The following NPHP4 variants were observed in gnomAD, a reference collection of about 807,000 sequenced individuals.
The protein encoded by NPHP4 is nephrocystin 4.
A neutral mutation model predicts 155.8 loss-of-function variants in NPHP4; 151 were observed. That is an observed-to-expected ratio of 0.97 (90% CI 0.85 to 1.11). The LOEUF (loss-of-function observed/expected upper bound fraction) is 1.11, where lower values mean the gene tolerates loss of function less well. NPHP4 is among the 50% of genes least tolerant of loss of function. NPHP4 has a pLI of 0.00. For missense variants in NPHP4, 1,956 were observed against 1,925.7 expected, an observed-to-expected ratio of 1.02 and a Z score of -0.29; for synonymous variants, 845 against 816.8, an observed-to-expected ratio of 1.03 and a Z score of -0.59.
rs1284856422 is a variant in NPHP4 at position 5,986,309 on chromosome 1, C to T, written c.-20G>A. On this transcript the variant is annotated 5_prime_UTR_variant, in exon 2 of 30. Coordinates refer to ENST00000378156, the MANE Select transcript of NPHP4 (RefSeq NM_015102.5). ...GTTCATCCTGCCCGCCTGAGGGTCC[C>T]GTGGGCTTCCCGGATGATCTGTGCC... 5 of 1,612,896 alleles carry T rather than the reference C, an allele frequency of 3.1e-6. No homozygotes were observed. The highest frequency in any genetic ancestry group is 2.2e-5 in the South Asian group (2 of 90,934).
At position 5,952,850 on chromosome 1, in the gene NPHP4, G is replaced by A. The variant is rs956609831; in HGVS notation, c.674-14C>T. The A allele has an allele frequency of 6.3e-7, 1 of 1,591,376 alleles. No individual in the cohort carries two copies. The highest frequency in any genetic ancestry group is 2.3e-5 in the East Asian group (1 of 43,818). ...GGAGAGCGTCGCCTGAAACAGTGAG[G>A]GTGCGAAAAGGGTCATCCTTGGGAA... On this transcript the variant is annotated splice_polypyrimidine_tract_variant and intron_variant, in intron 6 of 29. Transcript: ENST00000378156.
chr1:5,946,591 G>C (rs934041128), intron 9 of NPHP4, among the ~76,000 whole-genome samples: 13 of 152,176 alleles, frequency 8.5e-5, no homozygotes, highest in Middle Eastern at 6.3e-3. Context: ...CCAGTTTCCT[G>C]GTATACAACT....
intron 17 of NPHP4, chr1:5,888,468 T>G: frequency 8.2e-7 from 1 of 1,213,452 alleles, no homozygotes; most frequent in East Asian, 5.9e-5. Flanking sequence ...ACCTGACCCT[T>G]CCCTTGTGGG....
At chr1:5,980,553 T>C (rs554045495) in intron 2 of NPHP4, among the ~76,000 whole-genome samples, 4 of 151,772 alleles carry the variant, frequency 2.6e-5, no homozygotes, top group African/African-American at 9.7e-5. Flanking sequence ...GCAGCTGCCA[T>C]GTGGGGGCGG....
chr1:5,881,604 T>A (rs1643291829), intron 18 of NPHP4: 1 of 152,212 alleles, frequency 6.6e-6, no homozygotes, highest in African/African-American at 2.4e-5. Flanking sequence ...AGAGAGAGGC[T>A]AGATTTAGAA....
chr1:5,864,301 C>A, intron 28 of NPHP4, 37 bp downstream of exon 28: 1 of 1,551,316 alleles, frequency 6.4e-7, no homozygotes, highest in Non-Finnish European at 8.7e-7. Context: ...GTATTGAGCC[C>A]CCATCCCCTC....
At position 5,864,932 on chromosome 1, in the gene NPHP4, C is replaced by T. The variant is rs1570038198; in HGVS notation, c.3816+170G>A. 4.7e-6 allele frequency: 3 copies of T among 640,844 alleles called. No individual in the cohort carries two copies. In the South Asian group the frequency reaches 5.8e-5, roughly 12 times the overall value. The allele number at this position is 640,844 out of a possible 1,614,324, so 39.7% of individuals were successfully genotyped here. ...GTACGTCACTCACCCCACAATGGCA[C>T]ATCTAACGAAAGGCAACTGCCGAGA... On this transcript the variant is annotated intron_variant, in intron 27 of 29. Transcript: ENST00000378156.
chr1:5,874,863 T>G lies in NPHP4; in HGVS notation c.3044+11A>C, dbSNP rs778862383. 1.6e-5 allele frequency: 25 copies of G among 1,611,412 alleles called. No homozygotes were observed. In the African/African-American group the frequency reaches 3.3e-4, roughly 22 times the overall value. ...TGGGCTGGGGCAGGACGGGCACCACTGAGACCTCACCTGAGCTCGGGGTTG... is the reference window on the plus strand; with the variant it reads ...TGGGCTGGGGCAGGACGGGCACCACGGAGACCTCACCTGAGCTCGGGGTTG... On this transcript the variant is annotated intron_variant, in intron 21 of 29. Coordinates refer to ENST00000378156, the MANE Select transcript of NPHP4 (RefSeq NM_015102.5).
intron 16 of NPHP4, among the ~76,000 whole-genome samples, chr1:5,900,624 C>T (rs1644627579): frequency 6.6e-6 from 1 of 152,084 alleles, no homozygotes; most frequent in African/African-American, 2.4e-5. Flanking sequence ...CATGGTGGAT[C>T]CATGATGTCA....
intron 2 of NPHP4, among the ~76,000 whole-genome samples, chr1:5,984,262 T>C (rs1655140485): frequency 1.3e-5 from 2 of 152,212 alleles, no homozygotes; most frequent in African/African-American, 4.8e-5. Context: ...GTGCCGGGCA[T>C]GTGGCTACAC....
At position 5,867,728 on chromosome 1, in the gene NPHP4, T is replaced by C; in HGVS notation, c.3472+12A>G. On this transcript the variant is annotated intron_variant, in intron 24 of 29. Coordinates refer to ENST00000378156, the MANE Select transcript of NPHP4 (RefSeq NM_015102.5). The surrounding 1 kb of genome is among the most constrained non-coding windows in gnomAD (Gnocchi z 4.1). ...TGCAACATGTGGGCTGCAGGGTCAG[T>C]GCAGGACCTGCCTGGAAATGTGTGC... The C allele has an allele frequency of 6.2e-7, 1 of 1,607,830 alleles. No individual in the cohort carries two copies. Among genetic ancestry groups the C allele is most frequent in the Admixed American group, 1.7e-5 (1 of 60,012 alleles).
At chr1:5,887,583 G>A (rs566211972) in intron 17 of NPHP4, 117 bp from the exon 18 acceptor site, 32 of 1,095,346 alleles carry the variant, frequency 2.9e-5, no homozygotes, top group Non-Finnish European at 4.1e-5. Context: ...GCGGGAGGGG[G>A]TGTGCGCAGG....
chr1:5,925,560 G>A (rs1248295269), intron 11 of NPHP4, among the ~76,000 whole-genome samples: 4 of 152,174 alleles, frequency 2.6e-5, no homozygotes, highest in African/African-American at 7.2e-5. Context: ...GTCAAAGAGT[G>A]TATGTCAAAG....
intron 4 of NPHP4, among the ~76,000 whole-genome samples, chr1:5,967,803 G>C (rs1292988928): frequency 6.6e-6 from 1 of 152,082 alleles, no homozygotes; most frequent in Non-Finnish European, 1.5e-5. Flanking sequence ...GCAGTGCCCT[G>C]GCATCTAGTG....
chr1:5,981,393 T>C (rs1285616001), intron 2 of NPHP4, among the ~76,000 whole-genome samples: 1 of 152,118 alleles, frequency 6.6e-6, no homozygotes, highest in Non-Finnish European at 1.5e-5. Context: ...TCCTAACATA[T>C]CGTGGTGCCC....
chr1:5,922,993 T>C (rs1645821887), intron 11 of NPHP4, among the ~76,000 whole-genome samples: 1 of 152,092 alleles, frequency 6.6e-6, no homozygotes, highest in South Asian at 2.1e-4. Context: ...TGAGAATTTA[T>C]CTCTAAAAGC....
At position 5,927,687 on chromosome 1, in the gene NPHP4, T is replaced by A. The variant is rs1646077037; in HGVS notation, c.1403A>T (p.Glu468Val). The change falls in exon 11 of 30, where the codon GAG becomes GTG. Residue 468 changes from glutamate to valine, a missense_variant. Glu to Val is a moderately radical substitution (Grantham distance 121). Coordinates refer to ENST00000378156, the MANE Select transcript of NPHP4 (RefSeq NM_015102.5). ...PTEPVSGPKV[E>V]RRPSRKPPTS... ...GGGTGGTTTCCTGGAAGGCCGCCGC[T>A]CCACTTTGGGGCCACTGACAGGCTC... 6.2e-7 allele frequency: 1 copy of A among 1,612,610 alleles called. No homozygotes were observed. The highest frequency in any genetic ancestry group is 1.7e-5 in the Admixed American group (1 of 59,978).
At position 5,948,020 on chromosome 1, in the gene NPHP4, G is replaced by C. The variant is rs375641338; in HGVS notation, c.992+50C>G. On this transcript the variant is annotated intron_variant, in intron 8 of 29. Coordinates refer to ENST00000378156, the MANE Select transcript of NPHP4 (RefSeq NM_015102.5). Reference sequence around the variant, plus strand: ...CATGCACAAATGACCTCATTTCATCGTGATCCCTTGCACATCCCCACCCAT... The same window carrying C: ...CATGCACAAATGACCTCATTTCATCCTGATCCCTTGCACATCCCCACCCAT... The C allele has an allele frequency of 6.3e-6, 9 of 1,421,150 alleles. No individual in the cohort carries two copies. The East Asian group carries it at 1.1e-4, about 18-fold the overall frequency. The allele number at this position is 1,421,150 out of a possible 1,614,324, so 88.0% of individuals were successfully genotyped here. A position where few individuals can be genotyped will look rare whatever the true frequency, so the allele number is the denominator to read the frequency against.
At chr1:5,898,639 C>T (rs147675738) in intron 16 of NPHP4, among the ~76,000 whole-genome samples, 9 of 152,354 alleles carry the variant, frequency 5.9e-5, no homozygotes, top group African/African-American at 1.4e-4. Flanking sequence ...CCCATCTACG[C>T]GCATTCACTC....
Sources: gnomAD v4.1 joint callset for allele counts (sites outside exome capture counted in the v4.1 genomes callset) on GRCh38, gnomAD v4.1.1 for gene constraint, Gnocchi (gnomAD v3.1) non-coding constraint, MANE v1.5 for transcripts, NCBI Gene and HGNC (gene_info 2026-07-23, HGNC 2026-07-21) for gene names.